Variants in SLC38A12 observed in about 807,000 individuals in gnomAD.
The protein encoded by SLC38A12 is putative sodium-coupled neutral amino acid transporter 12.
the SLC38A12 span, among the ~76,000 whole-genome samples, chr17:74,828,273 C>A: frequency 2.0e-5 from 3 of 152,162 alleles, no homozygotes; most frequent in Non-Finnish European, 4.4e-5. Context: ...GAGCAGCTCT[C>A]CAGGAAGCAG....
chr17:74,819,666 G>C, the SLC38A12 span: 1 of 1,369,660 alleles, frequency 7.3e-7, no homozygotes, highest in Non-Finnish European at 1.0e-6. Flanking sequence ...ATGGGCGGAG[G>C]CCACGTGAGC....
At chr17:74,807,674 C>T in the SLC38A12 span, among the ~76,000 whole-genome samples, 13 of 152,246 alleles carry the variant, frequency 8.5e-5, no homozygotes, top group Non-Finnish European at 8.8e-5. Flanking sequence ...GGAATCCGTC[C>T]ACTGCCGTGA....
chr17:74,825,772 T>TGGTCG, the SLC38A12 span, among the ~76,000 whole-genome samples: 1 of 152,210 alleles, frequency 6.6e-6, no homozygotes, highest in Admixed American at 6.5e-5. Context: ...GACCCGACGA[T>TGGTCG]GGTGATGGTC....
the SLC38A12 span, among the ~76,000 whole-genome samples, chr17:74,793,591 G>A: frequency 5.3e-5 from 8 of 152,238 alleles, no homozygotes; most frequent in African/African-American, 1.7e-4. Flanking sequence ...GACCAGGGAG[G>A]GCCAATGGCA....
the SLC38A12 span, among the ~76,000 whole-genome samples, chr17:74,809,499 G>A: frequency 6.6e-6 from 1 of 152,190 alleles, no homozygotes; most frequent in Non-Finnish European, 1.5e-5. Context: ...GCACAGGGGA[G>A]TCCAGGCAGC....
chr17:74,777,424 C>T, the SLC38A12 span: 1 of 1,613,002 alleles, frequency 6.2e-7, no homozygotes. Flanking sequence ...TTCCTGGCTT[C>T]TAGAAAAGCA....
chr17:74,837,774 G>A, the SLC38A12 span: 6 of 985,928 alleles, frequency 6.1e-6, no homozygotes, highest in Non-Finnish European at 6.0e-6. Flanking sequence ...TGCTGGGCTG[G>A]CCTCCTGGGA....
the SLC38A12 span, chr17:74,838,551 C>T: frequency 2.6e-6 from 3 of 1,151,492 alleles, no homozygotes; most frequent in Non-Finnish European, 3.2e-6. Flanking sequence ...AACCGCCCAG[C>T]CATGGAGTCG....
the SLC38A12 span, among the ~76,000 whole-genome samples, chr17:74,822,360 C>A: frequency 9.5e-3 from 1,444 of 152,346 alleles, 18 homozygotes; most frequent in African/African-American, 0.032. Context: ...CCTTCCCACC[C>A]CCAGGTCTCC....
chr17:74,837,233 G>A, the SLC38A12 span: 3 of 985,622 alleles, frequency 3.0e-6, no homozygotes, highest in South Asian at 4.7e-5. Flanking sequence ...GAGGCGGTAG[G>A]TGCCACCTCA....
the SLC38A12 span, chr17:74,795,405 G>T: frequency 1.2e-6 from 1 of 834,930 alleles, no homozygotes; most frequent in Non-Finnish European, 1.9e-6. Flanking sequence ...CCCGCAAAGT[G>T]GTTTGTGAAA....
chr17:74,790,164 TC>T, the SLC38A12 span: 1 of 1,548,756 alleles, frequency 6.5e-7, no homozygotes, highest in African/African-American at 1.4e-5. Context: ...TCCCTTGTTT[TC>T]CTCCCTCCTC....
the SLC38A12 span, chr17:74,794,935 C>T: frequency 2.0e-5 from 24 of 1,176,030 alleles, no homozygotes; most frequent in East Asian, 1.2e-4. Flanking sequence ...GAGATTTAGT[C>T]AAAAAGAAGA....
At chr17:74,803,081 G>T in the SLC38A12 span, among the ~76,000 whole-genome samples, 1 of 152,192 alleles carries the variant, frequency 6.6e-6, no homozygotes, top group African/African-American at 2.4e-5. Context: ...AATAAATTGG[G>T]AGGGTAGTTA....
At chr17:74,780,540 C>T in the SLC38A12 span, among the ~76,000 whole-genome samples, 2 of 152,234 alleles carry the variant, frequency 1.3e-5, no homozygotes, top group Admixed American at 1.3e-4. Context: ...GCCCACAGAA[C>T]TGTCCCACGA....
At chr17:74,786,405 T>C in the SLC38A12 span, among the ~76,000 whole-genome samples, 1 of 152,202 alleles carries the variant, frequency 6.6e-6, no homozygotes, top group Non-Finnish European at 1.5e-5. Flanking sequence ...CAAGCACCCT[T>C]CTGGGTACTG....
chr17:74,795,488 C>T, the SLC38A12 span: 17 of 1,596,422 alleles, frequency 1.1e-5, no homozygotes, highest in East Asian at 9.0e-5. Context: ...CAGGCGGCCT[C>T]GCTGAGCCTG....
At chr17:74,794,297 A>T in the SLC38A12 span, among the ~76,000 whole-genome samples, 2 of 152,354 alleles carry the variant, frequency 1.3e-5, no homozygotes, top group Admixed American at 1.3e-4. Context: ...CTTCTCGTTC[A>T]GCCTCCTGCT....
At chr17:74,832,548 C>A in the SLC38A12 span, among the ~76,000 whole-genome samples, 1 of 152,278 alleles carries the variant, frequency 6.6e-6, no homozygotes, top group Non-Finnish European at 1.5e-5. Flanking sequence ...GCCTCTCCCC[C>A]TCCTGGTGTG....
Sources: allele counts gnomAD v4.1 joint callset (sites outside exome capture counted in the v4.1 genomes callset), GRCh38; gene constraint gnomAD v4.1.1; transcripts MANE v1.5; gene names NCBI Gene and HGNC (gene_info 2026-07-23, HGNC 2026-07-21).